INSR: variants seen among roughly 807,000 people sequenced by gnomAD.
The protein encoded by INSR is insulin receptor, also known as IR.
INSR carries 67 observed loss-of-function variants against 142.6 expected under a neutral mutation model. That is an observed-to-expected ratio of 0.47 (90% CI 0.39 to 0.58). The LOEUF (loss-of-function observed/expected upper bound fraction) is 0.58, where lower values mean the gene tolerates loss of function less well. Ranked by LOEUF, INSR falls within the 20% of genes least tolerant of loss-of-function variation. The probability of loss-of-function intolerance (pLI) is 0.00; values close to 1 mark genes in which losing one functional copy is unlikely to be tolerated. For missense variants in INSR, 1,248 were observed against 1,833.2 expected (o/e 0.68, Z 5.83); for synonymous variants, 756 against 743.1 (o/e 1.02, Z -0.28).
At chr19:7,226,500 A>G (rs1975788525) in intron 2 of INSR, among the ~76,000 whole-genome samples, 1 of 151,704 alleles carries the variant, frequency 6.6e-6, no homozygotes, top group Admixed American at 6.6e-5. Flanking sequence ...CCGAGGCAGG[A>G]GAGTTGCTTG....
intron 1 of INSR, among the ~76,000 whole-genome samples, chr19:7,270,391 A>G (rs1046143853): frequency 6.9e-6 from 1 of 145,766 alleles, no homozygotes; most frequent in Non-Finnish European, 1.5e-5. Context: ...TGCAGGTAGA[A>G]AGAACACTTG....
chr19:7,270,339 TCACACACACACACACACA>T (rs1178953100), intron 1 of INSR, among the ~76,000 whole-genome samples: 4 of 120,312 alleles, frequency 3.3e-5, no homozygotes, highest in East Asian at 2.1e-4. Flanking sequence ...TCTCTCTCTC[TCACACACACACACACACA>T]CACACACACA....
intron 2 of INSR, among the ~76,000 whole-genome samples, chr19:7,220,057 T>C (rs10412485): frequency 0.41 from 62,272 of 151,900 alleles, 13,147 homozygotes; most frequent in South Asian, 0.57. Context: ...TCATGTGCCT[T>C]CCCCTGAGCC....
chr19:7,208,057 A>G (rs565058514), intron 2 of INSR, among the ~76,000 whole-genome samples: 48 of 151,922 alleles, frequency 3.2e-4, no homozygotes, highest in African/African-American at 1.1e-3. Flanking sequence ...CAGCCCTTGT[A>G]CCCCCCAGAA....
Position 7,170,654 on chromosome 19 carries a change from G to A in INSR, c.1366C>T (p.His456Tyr). The A allele has an allele frequency of 6.2e-7, 1 of 1,613,920 alleles. No individual in the cohort carries two copies. The highest frequency in any genetic ancestry group is 8.5e-7 in the Non-Finnish European group (1 of 1,179,972). The change falls in exon 6 of 22, where the codon CAC (histidine) becomes TAC (tyrosine). Residue 456 changes from histidine to tyrosine, a missense_variant. Transcript: ENST00000302850. ...GACAAGCAGAGTTTGGGGTTATAGT[G>A]GAAGAAGAGTTTCCCCTGAGTGATG... is the stretch of plus-strand genomic sequence containing the variant. ...LTITQGKLFF[H>Y]YNPKLCLSEI...
At chr19:7,130,189 A>C (rs1021513847) in intron 14 of INSR, among the ~76,000 whole-genome samples, 1 of 152,230 alleles carries the variant, frequency 6.6e-6, no homozygotes, top group African/African-American at 2.4e-5. Flanking sequence ...GATAAAGAAA[A>C]TGTGATACAT....
At chr19:7,272,602 A>G (rs1774436825) in intron 1 of INSR, among the ~76,000 whole-genome samples, 1 of 152,184 alleles carries the variant, frequency 6.6e-6, no homozygotes, top group Non-Finnish European at 1.5e-5. Context: ...TGGGTGACAG[A>G]GCAAAACTCC....
chr19:7,253,059 G>A (rs945464298), intron 2 of INSR, among the ~76,000 whole-genome samples: 1 of 149,940 alleles, frequency 6.7e-6, no homozygotes, highest in Non-Finnish European at 1.5e-5. Context: ...AGGTTGCAGC[G>A]AGCCAAGATC....
chr19:7,138,024 C>T (rs1362261097), intron 13 of INSR, among the ~76,000 whole-genome samples: 6 of 145,068 alleles, frequency 4.1e-5, no homozygotes, highest in Non-Finnish European at 6.0e-5. Context: ...AGTGCAGTGG[C>T]GTGATCTCGG....
chr19:7,223,371 A>G (rs1373957547), intron 2 of INSR, among the ~76,000 whole-genome samples: 1 of 152,210 alleles, frequency 6.6e-6, no homozygotes, highest in Non-Finnish European at 1.5e-5. Flanking sequence ...GTAACCATTG[A>G]CAGAAATGAG....
At chr19:7,269,038 C>CACACA (rs1967827141) in intron 1 of INSR, among the ~76,000 whole-genome samples, 1 of 146,850 alleles carries the variant, frequency 6.8e-6, no homozygotes, top group South Asian at 2.2e-4. Flanking sequence ...ACCCACACAC[C>CACACA]CACACACACA....
chr19:7,132,401 A>G, intron 13 of INSR, 84 bp from the exon 14 acceptor site: 1 of 1,478,592 alleles, frequency 6.8e-7, no homozygotes, highest in Non-Finnish European at 9.3e-7. Flanking sequence ...GCTCACAGCC[A>G]GGATCCTGCT....
At chr19:7,292,011 T>C (rs2145260075) in intron 1 of INSR, among the ~76,000 whole-genome samples, 1 of 151,960 alleles carries the variant, frequency 6.6e-6, no homozygotes, top group African/African-American at 2.4e-5. Flanking sequence ...GCCAGGATGG[T>C]CGTGATCTCC....
intron 2 of INSR, among the ~76,000 whole-genome samples, chr19:7,232,734 C>T (rs917517154): frequency 2.0e-5 from 3 of 151,500 alleles, no homozygotes; most frequent in African/African-American, 4.8e-5. Flanking sequence ...GGCGTGAACC[C>T]GGGAGGCGGA....
Position 7,117,094 on chromosome 19 carries a change from C to T in INSR, c.4111G>A (p.Gly1371Arg), listed in dbSNP as rs1972350135. 2 of 1,614,040 alleles carry T rather than the reference C, an allele frequency of 1.2e-6. No homozygotes were observed. Among genetic ancestry groups the T allele is most frequent in the East Asian group, 2.2e-5 (1 of 44,898 alleles). Reference protein sequence around the residue: ...YTHMNGGKKNGRILTLPRSNP... With the variant: ...YTHMNGGKKNRRILTLPRSNP... ...GACCGAGGCAAGGTCAGAATCCGCC[C>T]GTTTTTCTTGCCTCCGTTCATGTGT... The change falls in exon 22 of 22, where the codon GGG (glycine) becomes AGG (arginine). Residue 1371 changes from glycine (G) to arginine (R), a missense_variant. Physicochemically the swap from Gly to Arg is moderately radical, Grantham distance 125. Coordinates refer to ENST00000302850, the MANE Select transcript of INSR (RefSeq NM_000208.4).
At chr19:7,272,487 G>A (rs1239124954) in intron 1 of INSR, among the ~76,000 whole-genome samples, 7 of 151,784 alleles carry the variant, frequency 4.6e-5, no homozygotes, top group Middle Eastern at 3.2e-3. Context: ...GCGGGGTGGC[G>A]CATGCCTGTA....
chr19:7,219,687 GA>G (rs906058696), intron 2 of INSR, among the ~76,000 whole-genome samples: 6 of 151,578 alleles, frequency 4.0e-5, no homozygotes, highest in South Asian at 2.1e-4. Flanking sequence ...GAAAGAAAAT[GA>G]AAAAAAAGAA....
At chr19:7,151,106 C>G (rs1007546630) in intron 10 of INSR, among the ~76,000 whole-genome samples, 1 of 148,216 alleles carries the variant, frequency 6.7e-6, no homozygotes, top group African/African-American at 2.5e-5. Context: ...TCCTCTCTCC[C>G]TCCCTTGCCC....
intron 2 of INSR, among the ~76,000 whole-genome samples, chr19:7,195,121 A>G (rs563443349): frequency 6.6e-6 from 1 of 152,262 alleles, no homozygotes; most frequent in South Asian, 2.1e-4. Context: ...TCATTCAGGT[A>G]TATGCATGTC....
Sources: gnomAD v4.1 joint callset for allele counts (sites outside exome capture counted in the v4.1 genomes callset) on GRCh38, gnomAD v4.1.1 for gene constraint, MANE v1.5 for transcripts, NCBI Gene and HGNC (gene_info 2026-07-23, HGNC 2026-07-21) for gene names.